The following CREB5 variants were observed in gnomAD, a reference collection of about 807,000 sequenced individuals.
CREB5 encodes the protein cAMP responsive element binding protein 5.
In CREB5, 19 loss-of-function variants were observed where a neutral mutation model predicts 57.1. The ratio of observed to expected loss-of-function variants is 0.33; its 90% CI spans 0.23 to 0.49. The LOEUF is 0.49. Ranked by LOEUF, CREB5 falls within the 20% of genes least tolerant of loss-of-function variation. CREB5 has a pLI of 0.99. For synonymous variants in CREB5, 238 were observed against 238.3 expected (o/e 1.00, Z 0.01); for missense variants, 579 against 671.6 (o/e 0.86, Z 1.52).
At chr7:28,532,908 A>G (rs150611) in intron 4 of CREB5, among the ~76,000 whole-genome samples, 150,450 of 152,354 alleles carry the variant, frequency 0.99, 74,294 homozygotes, top group East Asian at 1. Context: ...TTACTGTGGG[A>G]AATAACTTAG....
At chr7:28,679,805 G>A (rs914098645) in intron 5 of CREB5, among the ~76,000 whole-genome samples, 1 of 152,122 alleles carries the variant, frequency 6.6e-6, no homozygotes, top group African/African-American at 2.4e-5. Context: ...GCGAATGGTC[G>A]CATTCCCAAC....
At chr7:28,312,865 G>T (rs571792957) in intron 1 of CREB5, among the ~76,000 whole-genome samples, 14 of 152,298 alleles carry the variant, frequency 9.2e-5, no homozygotes, top group Non-Finnish European at 1.9e-4. Flanking sequence ...TCAAGCCTGA[G>T]TGTTGGTAGA....
intron 5 of CREB5, among the ~76,000 whole-genome samples, chr7:28,695,455 C>G (rs907451908): frequency 5.3e-5 from 8 of 152,134 alleles, no homozygotes; most frequent in African/African-American, 1.9e-4. Context: ...AGGGAGCAAC[C>G]AACAGGCAGG....
In CREB5 at chr7:28,453,988, C is replaced by G. The variant is rs565726979; in HGVS notation, c.4-34187C>G. Among the ~76,000 whole-genome samples, 41 of 101,980 alleles carry G rather than the reference C, an allele frequency of 4.0e-4. 1 individual carries two copies. The South Asian group carries it at 9.9e-3, about 25-fold the overall frequency. The allele number at this position is 101,980 out of a possible 152,430, so 66.9% of individuals were successfully genotyped here. A position where few individuals can be genotyped will look rare whatever the true frequency, so the allele number is the denominator to read the frequency against. ...TTTTTTTTTGAGATGGAGTCTCGCT[C>G]TGTCGCCCAGGCTGGAGTGCAGTGG... On this transcript the variant is annotated intron_variant, in intron 1 of 10. Coordinates refer to ENST00000357727, the MANE Select transcript of CREB5 (RefSeq NM_182898.4).
At chr7:28,763,809 TA>T (rs1429254471) in intron 7 of CREB5, among the ~76,000 whole-genome samples, 1 of 110,410 alleles carries the variant, frequency 9.1e-6, no homozygotes, top group Non-Finnish European at 2.1e-5. Context: ...TTATTATTAT[TA>T]TTTTTTTTTG....
chr7:28,572,307 G>A (rs1196891848), intron 5 of CREB5, among the ~76,000 whole-genome samples: 2 of 152,214 alleles, frequency 1.3e-5, no homozygotes, highest in African/African-American at 4.8e-5. Context: ...TCAATGCTAG[G>A]TTGGTAAGTG....
At chr7:28,313,806 C>T (rs1448698958) in intron 1 of CREB5, among the ~76,000 whole-genome samples, 1 of 152,220 alleles carries the variant, frequency 6.6e-6, no homozygotes, top group Non-Finnish European at 1.5e-5. Context: ...ACACACGCCA[C>T]TTGCTGAAGA....
chr7:28,427,211 T>C (rs1788544280), intron 1 of CREB5, among the ~76,000 whole-genome samples: 1 of 152,210 alleles, frequency 6.6e-6, no homozygotes, highest in Non-Finnish European at 1.5e-5. Context: ...GAGAGGAACA[T>C]AATTTGTAAA....
chr7:28,338,997 A>G (rs1339407415), intron 1 of CREB5, among the ~76,000 whole-genome samples: 1 of 151,886 alleles, frequency 6.6e-6, no homozygotes, highest in African/African-American at 2.4e-5. Flanking sequence ...TGTTAAATTT[A>G]CCTGATAGGA....
intron 5 of CREB5, among the ~76,000 whole-genome samples, chr7:28,670,171 G>A (rs557386298): frequency 2.6e-5 from 4 of 152,190 alleles, no homozygotes; most frequent in Non-Finnish European, 5.9e-5. Context: ...TTTCCTATCC[G>A]TGCATACCTA....
intron 5 of CREB5, among the ~76,000 whole-genome samples, chr7:28,601,392 T>C (rs1796915395): frequency 6.6e-6 from 1 of 152,020 alleles, no homozygotes; most frequent in South Asian, 2.1e-4. Flanking sequence ...AAGGTAGAGG[T>C]CGTGCAGTGT....
chr7:28,734,206 C>CAAAAAAAAAAAAAAAAAAAAAAAAA (rs61403862), intron 7 of CREB5, among the ~76,000 whole-genome samples: 1 of 96,444 alleles, frequency 1.0e-5, no homozygotes, highest in African/African-American at 4.5e-5. Context: ...TTCAGTAGTT[C>CAAAAAAAAAAAAAAAAAAAAAAAAA]AAAAAAAAAA....
At chr7:28,367,925 T>A (rs1386703645) in intron 1 of CREB5, among the ~76,000 whole-genome samples, 3 of 152,210 alleles carry the variant, frequency 2.0e-5, no homozygotes, top group African/African-American at 7.2e-5. Flanking sequence ...TAGACTAAGA[T>A]GCCACCATCA....
At chr7:28,474,099 T>A (rs185283302) in intron 1 of CREB5, among the ~76,000 whole-genome samples, 34 of 152,330 alleles carry the variant, frequency 2.2e-4, no homozygotes, top group Admixed American at 9.8e-4. Context: ...AGAAGTCTGC[T>A]GGGTGTTGGG....
intron 1 of CREB5, among the ~76,000 whole-genome samples, chr7:28,423,657 G>A (rs1250988658): frequency 6.6e-6 from 1 of 152,116 alleles, no homozygotes; most frequent in Admixed American, 6.5e-5. Flanking sequence ...TTGGGGGATG[G>A]TGAATTGGGG....
intron 7 of CREB5, among the ~76,000 whole-genome samples, chr7:28,757,473 C>T (rs1264590155): frequency 6.6e-6 from 1 of 151,988 alleles, no homozygotes; most frequent in Non-Finnish European, 1.5e-5. Flanking sequence ...GAGATCGAGA[C>T]CATCCTGGCT....
intron 7 of CREB5, among the ~76,000 whole-genome samples, chr7:28,794,569 G>T (rs148953539): frequency 6.6e-6 from 1 of 152,140 alleles, no homozygotes; most frequent in Non-Finnish European, 1.5e-5. Context: ...CTCGGCAGCC[G>T]GAAAGGAACA....
intron 7 of CREB5, among the ~76,000 whole-genome samples, chr7:28,735,136 TTTTG>T (rs1214780358): frequency 6.6e-6 from 1 of 152,164 alleles, no homozygotes; most frequent in Non-Finnish European, 1.5e-5. Context: ...TGTGTGGATT[TTTTG>T]TTTGTTTGGT....
chr7:28,551,755 G>A (rs1294675180), intron 4 of CREB5, among the ~76,000 whole-genome samples: 1 of 152,176 alleles, frequency 6.6e-6, no homozygotes, highest in Admixed American at 6.5e-5. Context: ...CACCTGCCAT[G>A]CCACACACTC....
Sources: allele counts gnomAD v4.1 joint callset (sites outside exome capture counted in the v4.1 genomes callset), GRCh38; gene constraint gnomAD v4.1.1; transcripts MANE v1.5; gene names NCBI Gene and HGNC (gene_info 2026-07-23, HGNC 2026-07-21).